ARHGAP26: variants seen among roughly 807,000 people sequenced by gnomAD.
ARHGAP26 encodes the protein Rho GTPase activating protein 26, also known as rho GTPase-activating protein 26.
A neutral mutation model predicts 104.8 loss-of-function variants in ARHGAP26; 38 were observed. That is an observed-to-expected ratio of 0.36 (90% CI 0.28 to 0.48). ARHGAP26 has a LOEUF of 0.48. Among genes scored for constraint, ARHGAP26 ranks in the 20% least tolerant of loss-of-function variants. The probability of loss-of-function intolerance (pLI) is 0.99; values close to 1 mark genes in which losing one functional copy is unlikely to be tolerated. For synonymous variants in ARHGAP26, 341 were observed against 340.0 expected, an observed-to-expected ratio of 1.00 and a Z score of -0.03; for missense variants, 704 against 947.9, an observed-to-expected ratio of 0.74 and a Z score of 3.38.
At chr5:143,129,781 C>A (rs1365425286) in intron 18 of ARHGAP26, among the ~76,000 whole-genome samples, 2 of 152,234 alleles carry the variant, frequency 1.3e-5, no homozygotes, top group East Asian at 3.8e-4. Flanking sequence ...TATACCACCA[C>A]CATCTCATGC....
chr5:142,881,811 G>A (rs951863647), intron 4 of ARHGAP26, among the ~76,000 whole-genome samples: 1 of 152,204 alleles, frequency 6.6e-6, no homozygotes, highest in African/African-American at 2.4e-5. Context: ...TTTGGGTATT[G>A]GCCAAGTGGA....
At chr5:142,833,984 C>T (rs1450830989) in intron 1 of ARHGAP26, among the ~76,000 whole-genome samples, 3 of 152,170 alleles carry the variant, frequency 2.0e-5, no homozygotes, top group Non-Finnish European at 4.4e-5. Flanking sequence ...GAAACATACT[C>T]ATATTTAATA....
intron 17 of ARHGAP26, among the ~76,000 whole-genome samples, chr5:143,083,943 G>C (rs918027688): frequency 2.0e-5 from 3 of 152,186 alleles, no homozygotes; most frequent in African/African-American, 4.8e-5. Context: ...AAAAATTAAG[G>C]CATGATTTTA....
At chr5:143,220,199 C>A (rs1396063428) in intron 22 of ARHGAP26, among the ~76,000 whole-genome samples, 2 of 152,156 alleles carry the variant, frequency 1.3e-5, no homozygotes, top group South Asian at 2.1e-4. Flanking sequence ...GTCAGTCTGG[C>A]TGCTTTATTC....
rs577408633 is a variant in ARHGAP26 at position 143,160,832 on chromosome 5, A to G, written c.1988+13451A>G. ...AGGCCATTGGTCATTGAATCATTCC[A>G]TCAATGGCCAAATGGCTCCCTCTCT... On this transcript the variant is annotated intron_variant, in intron 20 of 22. Coordinates refer to ENST00000645722, the MANE Select transcript of ARHGAP26 (RefSeq NM_001135608.3). 2.6e-5 allele frequency among the ~76,000 whole-genome samples: 4 copies of G among 152,214 alleles called. No homozygotes were observed. In the South Asian group the frequency reaches 8.3e-4, roughly 32 times the overall value.
intron 11 of ARHGAP26, among the ~76,000 whole-genome samples, chr5:142,963,219 TGC>T (rs373802301): frequency 0.03 from 3,825 of 127,792 alleles, 133 homozygotes; most frequent in East Asian, 0.079. Flanking sequence ...TGTGTGTGTG[TGC>T]GCGTGTGTGT....
At chr5:142,907,827 A>G in intron 9 of ARHGAP26, 23 bp downstream of exon 9, 1 of 1,552,494 alleles carries the variant, frequency 6.4e-7, no homozygotes, top group South Asian at 1.1e-5. Context: ...TTAAAATTTG[A>G]TGTTTGATTT....
At chr5:143,033,677 G>A (rs1782209784) in intron 12 of ARHGAP26, among the ~76,000 whole-genome samples, 1 of 152,156 alleles carries the variant, frequency 6.6e-6, no homozygotes, top group Non-Finnish European at 1.5e-5. Flanking sequence ...GTTCGTCAAT[G>A]CCTAGAATAA....
At chr5:142,853,342 C>G (rs1001139092) in intron 1 of ARHGAP26, among the ~76,000 whole-genome samples, 1 of 152,074 alleles carries the variant, frequency 6.6e-6, no homozygotes, top group African/African-American at 2.4e-5. Flanking sequence ...AGGCATGTGT[C>G]ACCACATCCA....
rs1811837217 is a variant in ARHGAP26 at position 143,228,569 on chromosome 5, A to G, written c.*6123A>G. On this transcript the variant is annotated 3_prime_UTR_variant, in exon 23 of 23. Coordinates refer to ENST00000645722, the MANE Select transcript of ARHGAP26 (RefSeq NM_001135608.3). Reference sequence around the variant, plus strand: ...AGTGTTCAAAAGCACTCTAAAAGACATTTTGTCCACATTTTGGAAAAGAAA... The same window carrying G: ...AGTGTTCAAAAGCACTCTAAAAGACGTTTTGTCCACATTTTGGAAAAGAAA... 4.6e-6 allele frequency: 1 copy of G among 219,084 alleles called. No homozygotes were observed. The highest frequency in any genetic ancestry group is 1.9e-4 in the South Asian group (1 of 5,384). 13.6% of individuals were successfully genotyped at this position (219,084 alleles called of 1,614,324 possible).
intron 1 of ARHGAP26, among the ~76,000 whole-genome samples, chr5:142,813,216 C>T (rs1764467493): frequency 6.6e-6 from 1 of 152,202 alleles, no homozygotes; most frequent in African/African-American, 2.4e-5. Context: ...GCGGGGATTA[C>T]AGGCGTGAGC....
At chr5:142,774,629 T>G (rs1755922159) in intron 1 of ARHGAP26, among the ~76,000 whole-genome samples, 4 of 152,194 alleles carry the variant, frequency 2.6e-5, no homozygotes, top group Admixed American at 2.6e-4. Context: ...ACTCTTTGTG[T>G]TGTACATTCT....
chr5:142,997,145 T>A (rs1776526471), intron 11 of ARHGAP26, among the ~76,000 whole-genome samples: 1 of 152,212 alleles, frequency 6.6e-6, no homozygotes, highest in African/African-American at 2.4e-5. Flanking sequence ...GTATATTGTA[T>A]GTGCATGTAT....
chr5:142,948,693 G>GAT (rs1488428675), intron 11 of ARHGAP26, among the ~76,000 whole-genome samples: 1 of 151,404 alleles, frequency 6.6e-6, no homozygotes, highest in African/African-American at 2.4e-5. Context: ...GTTAGAAGGG[G>GAT]ATATAAAGCA....
chr5:143,205,047 A>G (rs1001633369), intron 20 of ARHGAP26, among the ~76,000 whole-genome samples: 1 of 152,084 alleles, frequency 6.6e-6, no homozygotes, highest in Non-Finnish European at 1.5e-5. Flanking sequence ...GGCCTCTCTG[A>G]CTAGCAGCAA....
chr5:142,811,299 G>A (rs1764026543), intron 1 of ARHGAP26, among the ~76,000 whole-genome samples: 1 of 152,136 alleles, frequency 6.6e-6, no homozygotes, highest in South Asian at 2.1e-4. Context: ...TATTGCCAGC[G>A]CTGAAGCAGA....
chr5:142,867,875 G>A (rs1201597998), intron 1 of ARHGAP26: 8 of 151,744 alleles, frequency 5.3e-5, no homozygotes, highest in Non-Finnish European at 1.2e-4. Context: ...TTTTTCACAT[G>A]TCAAACATTG....
At chr5:142,963,198 A>ATATATATGTGTGTGTGTG (rs869247749) in intron 11 of ARHGAP26, among the ~76,000 whole-genome samples, 3 of 98,332 alleles carry the variant, frequency 3.1e-5, no homozygotes, top group African/African-American at 1.2e-4. Flanking sequence ...ATATATATAT[A>ATATATATGTGTGTGTGTG]TGTGTGTGTG....
chr5:142,862,239 A>ACCCTGCAACAT (rs1171865196), intron 1 of ARHGAP26, among the ~76,000 whole-genome samples: 2 of 152,114 alleles, frequency 1.3e-5, no homozygotes, highest in African/African-American at 4.8e-5. Flanking sequence ...GATTGCATGG[A>ACCCTGCAACAT]CCCTGGAAGA....
Sources: allele counts gnomAD v4.1 joint callset (sites outside exome capture counted in the v4.1 genomes callset), GRCh38; gene constraint gnomAD v4.1.1; transcripts MANE v1.5; gene names NCBI Gene and HGNC (gene_info 2026-07-23, HGNC 2026-07-21).